The following SEPHS1 variants were observed in gnomAD, a reference collection of about 807,000 sequenced individuals.
The protein encoded by SEPHS1 is selenophosphate synthetase 1.
A neutral mutation model predicts 39.2 loss-of-function variants in SEPHS1; 7 were observed. The observed-to-expected ratio is 0.18, with a 90% CI of 0.10 to 0.34. SEPHS1 has a LOEUF of 0.34. Among genes scored for constraint, SEPHS1 ranks in the 10% least tolerant of loss-of-function variants. SEPHS1 has a pLI of 1.00. For synonymous variants in SEPHS1, 190 were observed against 195.5 expected (o/e 0.97, Z 0.23); for missense variants, 253 against 514.5 (o/e 0.49, Z 4.92).
chr10:13,337,188 CTTCTT>C (rs1230430333), intron 3 of SEPHS1, among the ~76,000 whole-genome samples: 2 of 151,940 alleles, frequency 1.3e-5, no homozygotes, highest in Non-Finnish European at 2.9e-5. Context: ...ATTTTTGTAG[CTTCTT>C]TTCAAGGATG....
intron 7 of SEPHS1, among the ~76,000 whole-genome samples, chr10:13,325,429 C>T (rs981611448): frequency 6.6e-6 from 1 of 152,116 alleles, no homozygotes; most frequent in Admixed American, 6.5e-5. Context: ...GTGCTGTTCT[C>T]GTCAGGGTGA....
rs999077088 is a variant in SEPHS1 at position 13,317,918 on chromosome 10, T to C, written c.*1224A>G. ...ACCTTTTTAGATTGCCTATTTATTC[T>C]AGAACTACAAAATTTAATTCAAGAA... On this transcript the variant is annotated 3_prime_UTR_variant, in exon 9 of 9. Coordinates refer to ENST00000327347, the MANE Select transcript of SEPHS1 (RefSeq NM_012247.5). The C allele has an allele frequency of 3.9e-5, 6 of 152,182 alleles. No individual in the cohort carries two copies. The highest frequency in any genetic ancestry group is 1.4e-4 in the African/African-American group (6 of 41,436). The allele number at this position is 152,182 out of a possible 1,614,324, so 9.4% of individuals were successfully genotyped here. A position where few individuals can be genotyped will look rare whatever the true frequency, so the allele number is the denominator to read the frequency against.
chr10:13,343,282 A>C (rs1266714935), intron 2 of SEPHS1, among the ~76,000 whole-genome samples: 1 of 152,122 alleles, frequency 6.6e-6, no homozygotes, highest in Admixed American at 6.6e-5. Context: ...ATAAGCCAAC[A>C]TCAAACCCAG....
intron 3 of SEPHS1, among the ~76,000 whole-genome samples, chr10:13,336,801 C>G (rs1039567728): frequency 2.9e-4 from 34 of 119,218 alleles, no homozygotes; most frequent in African/African-American, 9.1e-4. Context: ...CTAAAAATGG[C>G]TGGCTTTAGT....
intron 1 of SEPHS1, among the ~76,000 whole-genome samples, chr10:13,347,027 G>T (rs753023869): frequency 6.6e-6 from 1 of 152,034 alleles, no homozygotes; most frequent in African/African-American, 2.4e-5. Context: ...GGGTTCTGGG[G>T]GAAATGTGCA....
rs537776638 is a variant in SEPHS1, at chr10:13,317,567, C to G, written c.*1575G>C. 1 of 152,300 alleles carries G rather than the reference C, an allele frequency of 6.6e-6. No individual in the cohort carries two copies. Among genetic ancestry groups the G allele is most frequent in the Admixed American group, 6.5e-5 (1 of 15,280 alleles). 9.4% of individuals were successfully genotyped at this position (152,300 alleles called of 1,614,324 possible). A position where few individuals can be genotyped will look rare whatever the true frequency, so the allele number is the denominator to read the frequency against. On this transcript the variant is annotated 3_prime_UTR_variant, in exon 9 of 9. Coordinates refer to ENST00000327347, the MANE Select transcript of SEPHS1 (RefSeq NM_012247.5). ...TAGCAGGCTCTTCCATACTGCACAC[C>G]ATGCTTATGGCTGGAGGTCCAGTTA...
chr10:13,333,174 C>T (rs1833520544), intron 5 of SEPHS1, among the ~76,000 whole-genome samples: 1 of 151,062 alleles, frequency 6.6e-6, no homozygotes, highest in Non-Finnish European at 1.5e-5. Context: ...GCTCTTGTTG[C>T]CCAGGCTGGA....
chr10:13,333,195 G>A (rs1453537696), intron 5 of SEPHS1, among the ~76,000 whole-genome samples: 2 of 150,468 alleles, frequency 1.3e-5, no homozygotes, highest in African/African-American at 4.9e-5. Context: ...GTGCAGTGGC[G>A]CGATCTTGGC....
At chr10:13,334,297 T>C (rs1459459900) in intron 4 of SEPHS1, among the ~76,000 whole-genome samples, 1 of 152,126 alleles carries the variant, frequency 6.6e-6, no homozygotes, top group Non-Finnish European at 1.5e-5. Flanking sequence ...TCCCAGCACT[T>C]TGGGAGGCTG....
intron 1 of SEPHS1, among the ~76,000 whole-genome samples, chr10:13,346,310 G>C (rs1833919983): frequency 6.6e-6 from 1 of 152,186 alleles, no homozygotes; most frequent in Non-Finnish European, 1.5e-5. Flanking sequence ...AACACCCCAA[G>C]TTTTAAGGTC....
intron 7 of SEPHS1, among the ~76,000 whole-genome samples, chr10:13,327,240 CAAAAAAAAA>C (rs34788028): frequency 5.9e-4 from 49 of 82,778 alleles, no homozygotes; most frequent in African/African-American, 1.7e-3. Context: ...GATTCTGTCT[CAAAAAAAAA>C]AAAAAAAAAA....
chr10:13,346,723 AAAAAAG>A (rs1564455935), intron 1 of SEPHS1, among the ~76,000 whole-genome samples: 2 of 152,142 alleles, frequency 1.3e-5, no homozygotes, highest in Non-Finnish European at 2.9e-5. Flanking sequence ...ACCAGGAAAA[AAAAAAG>A]AAAAAGAAAA....
At chr10:13,337,134 G>T (rs1833660422) in intron 3 of SEPHS1, among the ~76,000 whole-genome samples, 1 of 151,840 alleles carries the variant, frequency 6.6e-6, no homozygotes, top group Non-Finnish European at 1.5e-5. Flanking sequence ...CTGGGCAACA[G>T]AGCAAGACTG....
intron 2 of SEPHS1, among the ~76,000 whole-genome samples, chr10:13,344,124 T>G (rs1266675730): frequency 5.3e-5 from 8 of 152,118 alleles, no homozygotes; most frequent in Admixed American, 5.2e-4. Context: ...TCCCACCTCC[T>G]CACCGTAACA....
chr10:13,319,568 A>G (rs1833040450), intron 8 of SEPHS1, among the ~76,000 whole-genome samples: 1 of 152,182 alleles, frequency 6.6e-6, no homozygotes, highest in Admixed American at 6.5e-5. Context: ...AGCTCACTGC[A>G]GCCTCAATGT....
Position 13,322,998 on chromosome 10 carries a change from C to A in SEPHS1, c.801G>T (p.Thr267=). The part of the protein sequence containing the change: ...TFNAHAATDI[T]GFGILGHAQN... ...GCGCATGGCCCAAAATCCCGAAGCCCGTGATGTCAGTGGCGGCGTGGGCAT... is the reference window on the plus strand; with the variant it reads ...GCGCATGGCCCAAAATCCCGAAGCCAGTGATGTCAGTGGCGGCGTGGGCAT... The change falls in exon 8 of 9, where the codon ACG becomes ACT. Residue 267 remains threonine (T), a synonymous_variant. Transcript: ENST00000327347. The A allele has an allele frequency of 6.2e-7, 1 of 1,614,042 alleles. No individual in the cohort carries two copies. The highest frequency in any genetic ancestry group is 8.5e-7 in the Non-Finnish European group (1 of 1,180,002).
At chr10:13,343,497 AAAT>A (rs1303229153) in intron 2 of SEPHS1, among the ~76,000 whole-genome samples, 2 of 152,126 alleles carry the variant, frequency 1.3e-5, no homozygotes, top group Non-Finnish European at 2.9e-5. Flanking sequence ...GAACCTTACC[AAAT>A]AATGGGCAAA....
intron 1 of SEPHS1, among the ~76,000 whole-genome samples, chr10:13,346,321 G>C (rs1482698317): frequency 6.6e-6 from 1 of 152,098 alleles, no homozygotes; most frequent in East Asian, 1.9e-4. Flanking sequence ...TTTTAAGGTC[G>C]GTTTCCCCTA....
intron 2 of SEPHS1, among the ~76,000 whole-genome samples, chr10:13,339,889 T>G (rs1363466530): frequency 1.3e-5 from 2 of 152,164 alleles, no homozygotes; most frequent in African/African-American, 4.8e-5. Context: ...CCCTGCATAT[T>G]TTCAGTCTGT....
Sources: gnomAD v4.1 joint callset for allele counts (sites outside exome capture counted in the v4.1 genomes callset) on GRCh38, gnomAD v4.1.1 for gene constraint, MANE v1.5 for transcripts, NCBI Gene and HGNC (gene_info 2026-07-23, HGNC 2026-07-21) for gene names.